FMNL1: variants seen among roughly 807,000 people sequenced by gnomAD.
FMNL1 encodes formin like 1.
FMNL1 carries 43 observed loss-of-function variants against 121.3 expected under a neutral mutation model. The ratio of observed to expected loss-of-function variants is 0.35; its 90% CI spans 0.28 to 0.46. The LOEUF (loss-of-function observed/expected upper bound fraction) is 0.46, where lower values mean the gene tolerates loss of function less well. Among genes scored for constraint, FMNL1 ranks in the 20% least tolerant of loss-of-function variants. The probability of loss-of-function intolerance (pLI) is 1.00; values close to 1 mark genes in which losing one functional copy is unlikely to be tolerated. For synonymous variants in FMNL1, 613 were observed against 613.5 expected (o/e 1.00, Z 0.01); for missense variants, 1,191 against 1,482.4 (o/e 0.80, Z 3.23).
intron 1 of FMNL1, among the ~76,000 whole-genome samples, chr17:45,227,241 C>G (rs2043348638): frequency 6.6e-6 from 1 of 152,090 alleles, no homozygotes; most frequent in African/African-American, 2.4e-5. Flanking sequence ...AGGCTCCGCT[C>G]AAACTGAAAG....
intron 1 of FMNL1, among the ~76,000 whole-genome samples, chr17:45,225,733 T>C (rs2043317280): frequency 6.6e-6 from 1 of 152,180 alleles, no homozygotes; most frequent in South Asian, 2.1e-4. Context: ...GCAGGGACGT[T>C]TCCTGAGCTT....
intron 5 of FMNL1, 58 bp from the exon 6 acceptor site, chr17:45,234,014 C>T: frequency 1.3e-6 from 2 of 1,594,604 alleles, no homozygotes; most frequent in South Asian, 1.1e-5. Context: ...TTTCCTCTGC[C>T]CCCTCTTAAG....
chr17:45,230,779 A>G (rs539414893), intron 2 of FMNL1, 92 bp downstream of exon 2: 3 of 1,346,092 alleles, frequency 2.2e-6, no homozygotes, highest in Non-Finnish European at 3.1e-6. Context: ...GGGCACCGCC[A>G]TACTGCCCAT....
In FMNL1 at chr17:45,241,327, G is replaced by C; in HGVS notation, c.1333-55G>C. 1 of 1,594,766 alleles carries C rather than the reference G, an allele frequency of 6.3e-7. No homozygotes were observed. Among genetic ancestry groups the C allele is most frequent in the Non-Finnish European group, 8.5e-7 (1 of 1,170,522 alleles). On this transcript the variant is annotated intron_variant, in intron 13 of 26. Transcript: ENST00000331495. The surrounding 1 kb of genome is among the most constrained non-coding windows in gnomAD (Gnocchi z 7.0). ...CCTCCACCCCGGGAAGAAGATGGAG[G>C]CTTGGTGCCAAGGAGCCTGCTGGTG...
At position 45,245,329 on chromosome 17, in the gene FMNL1, G is replaced by T. The variant is rs770981114; in HGVS notation, c.2805G>T (p.Arg935=). Reference sequence around the variant, plus strand: ...AGTTGACACAGAGAGAGTTTGTGCGGCAGGATGACTGCATGGTGCTCAAGG... The same window carrying T: ...AGTTGACACAGAGAGAGTTTGTGCGTCAGGATGACTGCATGGTGCTCAAGG... ...GLELTQREFV[R]QDDCMVLKEF... is the part of the protein sequence containing the mutation. The change falls in exon 22 of 27, where the codon CGG becomes CGT. Residue 935 remains arginine, a synonymous_variant. Transcript: ENST00000331495. The T allele has an allele frequency of 6.2e-7, 1 of 1,614,194 alleles. No homozygotes were observed. Among genetic ancestry groups the T allele is most frequent in the Admixed American group, 1.7e-5 (1 of 60,034 alleles).
Position 45,240,492 on chromosome 17 carries a change from A to G in FMNL1, c.1097A>G (p.Glu366Gly), listed in dbSNP as rs1272414859. 1.2e-6 allele frequency: 2 copies of G among 1,612,874 alleles called. No individual in the cohort carries two copies. Among genetic ancestry groups the G allele is most frequent in the Admixed American group, 1.7e-5 (1 of 59,890 alleles). The change falls in exon 12 of 27, where the codon GAG becomes GGG. Residue 366 changes from glutamate to glycine, a missense_variant. Coordinates refer to ENST00000331495, the MANE Select transcript of FMNL1 (RefSeq NM_005892.4). The stretch of plus-strand genomic sequence containing the variant: ...GGGGGACAGAGGCTTCGGCTCACCG[A>G]GAGTGACAAGCTGCAGGTGCAGATC... ...DLYLERLRLT[E>G]SDKLQVQIQA...
chr17:45,234,515 T>G, intron 6 of FMNL1: 1 of 361,920 alleles, frequency 2.8e-6, no homozygotes, highest in Non-Finnish European at 5.4e-6. Flanking sequence ...AATACAAAAA[T>G]TAGCCGGGTG....
chr17:45,223,584 C>T (rs1400101872), intron 1 of FMNL1, among the ~76,000 whole-genome samples: 1 of 152,198 alleles, frequency 6.6e-6, no homozygotes, highest in East Asian at 1.9e-4. Context: ...ACTTCTCCAT[C>T]TCTCCACCTG....
rs377137839 is a variant in FMNL1, at chr17:45,243,298, C to T, written c.2191C>T (p.Arg731Cys). Residue 731 changes from arginine (R) to cysteine (C), a missense_variant, in exon 17 of 27, where the codon CGC becomes TGC. This residue lies in a region of FMNL1 where 367 missense variants were observed against 528.6 expected (regional missense o/e 0.69). Coordinates refer to ENST00000331495, the MANE Select transcript of FMNL1 (RefSeq NM_005892.4). ...GCGGAAGGGCAACCTGGGGGCCGAGCGCATCTGCCAAGCCATTGAGGCGTG... is the reference window on the plus strand; with the variant it reads ...GCGGAAGGGCAACCTGGGGGCCGAGTGCATCTGCCAAGCCATTGAGGCGTG... ...TLRKGNLGAE[R>C]ICQAIEAYDL... 2.7e-5 allele frequency: 43 copies of T among 1,613,298 alleles called. No homozygotes were observed. The South Asian group carries it at 4.2e-4, about 16-fold the overall frequency.
In FMNL1 at chr17:45,244,915, T is replaced by C; in HGVS notation, c.2598+16T>C. 1 of 1,613,054 alleles carries C rather than the reference T, an allele frequency of 6.2e-7. No individual in the cohort carries two copies. The highest frequency in any genetic ancestry group is 8.5e-7 in the Non-Finnish European group (1 of 1,179,432). On this transcript the variant is annotated intron_variant, in intron 20 of 26. Coordinates refer to ENST00000331495, the MANE Select transcript of FMNL1 (RefSeq NM_005892.4). ...CCTGGATGCGGTGAGGAGGGGCCCCTGGCTTGGGGACTGGGGCTGGGGACT... is the reference window on the plus strand; with the variant it reads ...CCTGGATGCGGTGAGGAGGGGCCCCCGGCTTGGGGACTGGGGCTGGGGACT...
At position 45,233,501 on chromosome 17, in the gene FMNL1, C is replaced by G. The variant is rs943234826; in HGVS notation, c.402-147C>G. 1 of 1,038,404 alleles carries G rather than the reference C, an allele frequency of 9.6e-7. No individual in the cohort carries two copies. Among genetic ancestry groups the G allele is most frequent in the African/African-American group, 1.6e-5 (1 of 62,584 alleles). The allele number at this position is 1,038,404 out of a possible 1,614,324, so 64.3% of individuals were successfully genotyped here. Reference sequence around the variant, plus strand: ...CTTGAGGCATGGCTGGGCTGTGGGACCCACCTGAGTCTCCCAGAATCCTTT... The same window carrying G: ...CTTGAGGCATGGCTGGGCTGTGGGAGCCACCTGAGTCTCCCAGAATCCTTT... On this transcript the variant is annotated intron_variant, in intron 4 of 26. Coordinates refer to ENST00000331495, the MANE Select transcript of FMNL1 (RefSeq NM_005892.4). This position sits in a 1 kb window ranked among gnomAD's most constrained non-coding sequence, Gnocchi z 4.1.
Position 45,243,161 on chromosome 17 carries a change from C to T in FMNL1, c.2054C>T (p.Ser685Phe), listed in dbSNP as rs756927704. The T allele has an allele frequency of 8.7e-6, 14 of 1,614,104 alleles. No individual in the cohort carries two copies. The East Asian group carries it at 2.2e-4, about 26-fold the overall frequency. ...TTTGAGGAACAGTTCAAGACCAAGT[C>T]CCAAGGCCCCAGCCTGGACCTCAGC... is the stretch of plus-strand genomic sequence containing the variant. The part of the protein sequence containing the change: ...SDFEEQFKTK[S>F]QGPSLDLSAL... Residue 685 changes from serine (S) to phenylalanine (F), a missense_variant, in exon 17 of 27, where the codon TCC becomes TTC. Physicochemically the swap from Ser to Phe is radical, Grantham distance 155 (BLOSUM62 -2). This residue lies in a region of FMNL1 where 519 missense variants were observed against 492.8 expected (regional missense o/e 1.05). Transcript: ENST00000331495.
chr17:45,233,151 G>A lies in FMNL1; in HGVS notation c.328-73G>A. Reference sequence around the variant, plus strand: ...TGGAGGAGGGTGGGCGCTGCTGCCTGCTGCCTCAGGACTTGGTGGGCCTGT... The same window carrying A: ...TGGAGGAGGGTGGGCGCTGCTGCCTACTGCCTCAGGACTTGGTGGGCCTGT... On this transcript the variant is annotated intron_variant, in intron 3 of 26. Transcript: ENST00000331495. This position sits in a 1 kb window ranked among gnomAD's most constrained non-coding sequence, Gnocchi z 4.1. The A allele has an allele frequency of 6.7e-7, 1 of 1,487,522 alleles. No individual in the cohort carries two copies. Among genetic ancestry groups the A allele is most frequent in the East Asian group, 2.5e-5 (1 of 40,554 alleles). 92.1% of individuals were successfully genotyped at this position (1,487,522 alleles called of 1,614,324 possible). A position where few individuals can be genotyped will look rare whatever the true frequency, so the allele number is the denominator to read the frequency against.
At chr17:45,242,172 C>T (rs2043719715) in intron 15 of FMNL1, 26 bp downstream of exon 15, 1 of 1,523,580 alleles carries the variant, frequency 6.6e-7, no homozygotes, top group South Asian at 1.3e-5. Flanking sequence ...CACCTTGGGC[C>T]CGGGGCTGGG....
At chr17:45,236,845 C>T (rs1182717593) in intron 7 of FMNL1, among the ~76,000 whole-genome samples, 3 of 152,186 alleles carry the variant, frequency 2.0e-5, no homozygotes, top group Non-Finnish European at 4.4e-5. Flanking sequence ...GGCGTGGTGG[C>T]TCATATCTGT....
At chr17:45,224,734 T>C (rs1327236456) in intron 1 of FMNL1, among the ~76,000 whole-genome samples, 1 of 152,132 alleles carries the variant, frequency 6.6e-6, no homozygotes, top group African/African-American at 2.4e-5. Flanking sequence ...CCAAGAAAGC[T>C]GTGAAAGAAA....
chr17:45,245,904 GA>G lies in FMNL1; in HGVS notation c.3027del (p.Glu1010LysfsTer37). The G allele has an allele frequency of 6.3e-7, 1 of 1,592,082 alleles. No homozygotes were observed. Among genetic ancestry groups the G allele is most frequent in the Admixed American group, 1.9e-5 (1 of 53,574 alleles). ...AAGCTGAGCAGGAGGTGGAACAGTGGAAAAAAGAAGCCGCTGCCCAGGAGGC... is the reference window on the plus strand; with the variant it reads ...AAGCTGAGCAGGAGGTGGAACAGTGGAAAAAGAAGCCGCTGCCCAGGAGGC... ...KKAEQEVEQW[K>X]KEAAAQEAGA... is the part of the protein sequence containing the mutation. On this transcript the variant is annotated frameshift_variant, in exon 24 of 27. Transcript: ENST00000331495. LOFTEE classifies it high-confidence loss of function.
At chr17:45,234,323 C>A in intron 6 of FMNL1, 123 bp downstream of exon 6, 2 of 1,511,918 alleles carry the variant, frequency 1.3e-6, no homozygotes, top group South Asian at 1.2e-5. Flanking sequence ...ATTAGGGGTC[C>A]GAGTAAGGGA....
chr17:45,225,758 T>C (rs1361096589), intron 1 of FMNL1, among the ~76,000 whole-genome samples: 1 of 152,094 alleles, frequency 6.6e-6, no homozygotes, highest in African/African-American at 2.4e-5. Flanking sequence ...GTCATGATGT[T>C]TGGGGGTTGA....
Sources: gnomAD v4.1 joint callset for allele counts (sites outside exome capture counted in the v4.1 genomes callset) on GRCh38, gnomAD v4.1.1 for gene constraint, gnomAD v4.1.1 regional missense constraint, Gnocchi (gnomAD v3.1) non-coding constraint, MANE v1.5 for transcripts, NCBI Gene and HGNC (gene_info 2026-07-23, HGNC 2026-07-21) for gene names.